Variants in SNX9 observed in about 807,000 individuals in gnomAD.
SNX9 encodes sorting nexin-9.
SNX9 carries 44 observed loss-of-function variants against 89.4 expected under a neutral mutation model. The ratio of observed to expected loss-of-function variants is 0.49; its 90% CI spans 0.39 to 0.63. The LOEUF is 0.63. SNX9 is among the 30% of genes least tolerant of loss of function. SNX9 has a pLI of 0.00. For missense variants in SNX9, 578 were observed against 736.1 expected (o/e 0.79, Z 2.49); for synonymous variants, 236 against 247.8 (o/e 0.95, Z 0.45).
chr6:157,862,632 A>G (rs759873909), intron 1 of SNX9, among the ~76,000 whole-genome samples: 4 of 152,164 alleles, frequency 2.6e-5, no homozygotes, highest in Non-Finnish European at 4.4e-5. Flanking sequence ...ATGGGGCCTT[A>G]GCTTTTGCAT....
intron 4 of SNX9, among the ~76,000 whole-genome samples, chr6:157,880,391 C>T (rs6908844): frequency 0.16 from 25,086 of 152,174 alleles, 2,197 homozygotes; most frequent in African/African-American, 0.19. Context: ...TCTACCCTCT[C>T]TAATCGTGTA....
At chr6:157,847,551 C>T (rs1781828855) in intron 1 of SNX9, among the ~76,000 whole-genome samples, 2 of 151,474 alleles carry the variant, frequency 1.3e-5, no homozygotes, top group South Asian at 4.2e-4. Flanking sequence ...AAATTTCATC[C>T]ATTTCGATTG....
At position 157,870,671 on chromosome 6, in the gene SNX9, G is replaced by A. The variant is rs1479098549; in HGVS notation, c.100-2431G>A. Among the ~76,000 whole-genome samples, 2 of 147,178 alleles carry A rather than the reference G, an allele frequency of 1.4e-5. 1 individual carries two copies. Among genetic ancestry groups the A allele is most frequent in the African/African-American group, 5.1e-5 (2 of 39,160 alleles). ...TCTCACACAGATGCAGCACTCACCT[G>A]TGCAAGCACATACACCCTGCAGATA... On this transcript the variant is annotated intron_variant, in intron 2 of 17. Transcript: ENST00000392185.
At chr6:157,939,144 GAAA>G (rs138711054) in intron 16 of SNX9, among the ~76,000 whole-genome samples, 20 of 148,104 alleles carry the variant, frequency 1.4e-4, no homozygotes, top group Non-Finnish European at 2.4e-4. Context: ...TTTGTGTCAA[GAAA>G]AAAAAAAGAT....
intron 1 of SNX9, among the ~76,000 whole-genome samples, chr6:157,858,839 T>G (rs1163341261): frequency 1.3e-5 from 2 of 152,126 alleles, no homozygotes; most frequent in African/African-American, 2.4e-5. Context: ...TCAGATCTCA[T>G]GAGACTTACT....
At chr6:157,924,897 A>G (rs1164221283) in intron 10 of SNX9, among the ~76,000 whole-genome samples, 1 of 152,228 alleles carries the variant, frequency 6.6e-6, no homozygotes, top group Non-Finnish European at 1.5e-5. Context: ...CTTCTTGAAA[A>G]TGAATTCCAT....
intron 1 of SNX9, among the ~76,000 whole-genome samples, chr6:157,855,428 ATG>A (rs1391494197): frequency 1.3e-5 from 2 of 152,190 alleles, no homozygotes; most frequent in African/African-American, 4.8e-5. Context: ...GTTAAGATAC[ATG>A]TGTGTTTGTA....
intron 3 of SNX9, among the ~76,000 whole-genome samples, chr6:157,873,572 A>T (rs1782459465): frequency 6.9e-6 from 1 of 145,024 alleles, no homozygotes; most frequent in Non-Finnish European, 1.5e-5. Flanking sequence ...ATATATATTT[A>T]TATTTTTATA....
intron 1 of SNX9, among the ~76,000 whole-genome samples, chr6:157,852,640 G>A (rs1052133169): frequency 1.3e-5 from 2 of 152,096 alleles, no homozygotes; most frequent in African/African-American, 2.4e-5. Context: ...GGGCAGTGGC[G>A]TAATCACAGC....
intron 4 of SNX9, among the ~76,000 whole-genome samples, chr6:157,880,581 C>T (rs757415720): frequency 1.6e-4 from 25 of 152,194 alleles, no homozygotes; most frequent in Admixed American, 6.5e-4. Flanking sequence ...TTCTGTTTCT[C>T]TGAAATGTTA....
At chr6:157,894,565 G>C (rs2115162430) in intron 4 of SNX9, among the ~76,000 whole-genome samples, 1 of 151,600 alleles carries the variant, frequency 6.6e-6, no homozygotes, top group South Asian at 2.1e-4. Flanking sequence ...CTCTCTACTG[G>C]AATATTCTTT....
Sources: gnomAD v4.1 joint callset for allele counts (sites outside exome capture counted in the v4.1 genomes callset) on GRCh38, gnomAD v4.1.1 for gene constraint, MANE v1.5 for transcripts, NCBI Gene and HGNC (gene_info 2026-07-23, HGNC 2026-07-21) for gene names.